PRELID3A: variants seen among roughly 807,000 people sequenced by gnomAD.
PRELID3A encodes PRELI domain containing 3A.
A neutral mutation model predicts 23.0 loss-of-function variants in PRELID3A; 27 were observed. That is an observed-to-expected ratio of 1.17 (90% CI 0.87 to 1.62). The LOEUF (loss-of-function observed/expected upper bound fraction) is 1.62. PRELID3A is among the 40% of genes most tolerant of loss of function. The pLI, the probability that PRELID3A is intolerant of heterozygous loss-of-function variation, is 0.00. For synonymous variants in PRELID3A, 87 were observed against 86.4 expected, an observed-to-expected ratio of 1.01 and a Z score of -0.04; for missense variants, 231 against 231.4, an observed-to-expected ratio of 1.00 and a Z score of 0.01.
chr18:12,427,413 C>G (rs1359400694), intron 5 of PRELID3A, 90 bp downstream of exon 5: 1 of 1,048,942 alleles, frequency 9.5e-7, no homozygotes, highest in Admixed American at 1.9e-5. Flanking sequence ...ATCAGTCTTC[C>G]TGGCTGGGCA....
At chr18:12,409,648 T>C (rs1909849279) in intron 1 of PRELID3A, among the ~76,000 whole-genome samples, 2 of 152,140 alleles carry the variant, frequency 1.3e-5, no homozygotes, top group Admixed American at 6.6e-5. Flanking sequence ...CTGGATGCTG[T>C]GGACAGTTAA....
At chr18:12,408,177 C>T (rs527303006) in intron 1 of PRELID3A, among the ~76,000 whole-genome samples, 170 bp downstream of exon 1, 89 of 152,078 alleles carry the variant, frequency 5.9e-4, no homozygotes, top group Admixed American at 1.5e-3. Context: ...AGAGGGCACG[C>T]GCGCTTCCCC....
intron 1 of PRELID3A, among the ~76,000 whole-genome samples, chr18:12,419,283 G>C (rs1044794564): frequency 6.9e-6 from 1 of 145,956 alleles, no homozygotes; most frequent in Non-Finnish European, 1.5e-5. Flanking sequence ...CCGAGACAGA[G>C]CCATTGCACT....
At chr18:12,417,932 G>A (rs2030016955) in intron 1 of PRELID3A, among the ~76,000 whole-genome samples, 1 of 152,194 alleles carries the variant, frequency 6.6e-6, no homozygotes, top group Non-Finnish European at 1.5e-5. Context: ...GTGTTCTATT[G>A]TTAAGAGAGG....
intron 1 of PRELID3A, among the ~76,000 whole-genome samples, chr18:12,411,555 A>C (rs1390828411): frequency 6.6e-6 from 1 of 152,166 alleles, no homozygotes; most frequent in Non-Finnish European, 1.5e-5. Flanking sequence ...ATCATCAATA[A>C]CAAAGCCCAT....
At chr18:12,418,349 T>A (rs1424958472) in intron 1 of PRELID3A, among the ~76,000 whole-genome samples, 1 of 152,234 alleles carries the variant, frequency 6.6e-6, no homozygotes, top group East Asian at 1.9e-4. Context: ...TGTACAGCTG[T>A]TTATAATCAT....
At chr18:12,426,912 C>T in intron 3 of PRELID3A, 129 bp from the exon 4 acceptor site, 2 of 661,656 alleles carry the variant, frequency 3.0e-6, no homozygotes, top group Admixed American at 4.6e-5. Flanking sequence ...GTGGTCGTAT[C>T]TCCTATGCCT....
At chr18:12,426,371 G>T (rs561549023) in intron 3 of PRELID3A, among the ~76,000 whole-genome samples, 37 of 150,580 alleles carry the variant, frequency 2.5e-4, no homozygotes, top group African/African-American at 8.8e-4. Flanking sequence ...TGGCTAACAC[G>T]GTGAAACTCC....
intron 6 of PRELID3A, 85 bp from the exon 7 acceptor site, chr18:12,431,065 G>A (rs1351953474): frequency 7.2e-6 from 1 of 138,174 alleles, no homozygotes; most frequent in Non-Finnish European, 1.6e-5. Context: ...TGTGCGGTGT[G>A]TGTCATGAGT....
At chr18:12,428,276 T>C (rs2030442487) in intron 5 of PRELID3A, among the ~76,000 whole-genome samples, 1 of 152,166 alleles carries the variant, frequency 6.6e-6, no homozygotes, top group Non-Finnish European at 1.5e-5. Flanking sequence ...TCCAGCAGAG[T>C]TGATGGAAAG....
Position 12,421,656 on chromosome 18 carries a change from G to A in PRELID3A, c.291+27G>A, listed in dbSNP as rs371518067. ...TAAGCAATGGCCTCAGATGAGAAAC[G>A]GGCTCAGTGTGTCTGGGTGGTGGTG... On this transcript the variant is annotated intron_variant, in intron 3 of 6. Coordinates refer to ENST00000440960, the MANE Select transcript of PRELID3A (RefSeq NM_001142405.2). 1,076 of 1,493,854 alleles carry A rather than the reference G, an allele frequency of 7.2e-4. 5 individuals carry two copies. The Middle Eastern group carries it at 8.4e-3, about 12-fold the overall frequency. The allele number at this position is 1,493,854 out of a possible 1,614,324, so 92.5% of individuals were successfully genotyped here.
intron 2 of PRELID3A, among the ~76,000 whole-genome samples, chr18:12,420,722 G>A (rs2030146637): frequency 8.7e-6 from 1 of 114,616 alleles, no homozygotes; most frequent in Non-Finnish European, 1.9e-5. Context: ...TGGTGGGAGG[G>A]TTTTCCTCGA....
chr18:12,420,007 C>T (rs1662422354), intron 1 of PRELID3A: 2 of 588,706 alleles, frequency 3.4e-6, no homozygotes, highest in Non-Finnish European at 5.1e-6. Flanking sequence ...GAGGCTGAGG[C>T]AGGATGTTCA....
chr18:12,422,803 C>A (rs893246507), intron 3 of PRELID3A, among the ~76,000 whole-genome samples: 1 of 152,150 alleles, frequency 6.6e-6, no homozygotes, highest in Non-Finnish European at 1.5e-5. Context: ...AAAAATAATC[C>A]TTATTTTCAG....
At chr18:12,416,935 G>A (rs2029979341) in intron 1 of PRELID3A, among the ~76,000 whole-genome samples, 2 of 152,132 alleles carry the variant, frequency 1.3e-5, no homozygotes, top group South Asian at 2.1e-4. Flanking sequence ...ACAAACTACA[G>A]TACCCAGCCA....
intron 1 of PRELID3A, among the ~76,000 whole-genome samples, chr18:12,412,071 T>TGA (rs1029254831): frequency 2.0e-5 from 3 of 150,588 alleles, no homozygotes; most frequent in Non-Finnish European, 4.4e-5. Context: ...CCACCACGCC[T>TGA]GACTACTTTT....
At chr18:12,428,108 C>T (rs944456513) in intron 5 of PRELID3A, among the ~76,000 whole-genome samples, 1 of 152,194 alleles carries the variant, frequency 6.6e-6, no homozygotes, top group Non-Finnish European at 1.5e-5. Context: ...AGCCTGCTGC[C>T]GTCTTCACAG....
At chr18:12,421,414 C>T in intron 2 of PRELID3A, 126 bp from the exon 3 acceptor site, 2 of 684,268 alleles carry the variant, frequency 2.9e-6, no homozygotes, top group East Asian at 2.7e-5. Context: ...TTGTCTCTGT[C>T]CCTTGCTGCA....
intron 1 of PRELID3A, among the ~76,000 whole-genome samples, chr18:12,410,437 TTGGCCTG>T (rs746850702): frequency 2.0e-5 from 3 of 152,204 alleles, no homozygotes; most frequent in Non-Finnish European, 4.4e-5. Context: ...GATGCTGTCA[TTGGCCTG>T]TGGCTGGACG....
Sources: allele counts gnomAD v4.1 joint callset (sites outside exome capture counted in the v4.1 genomes callset), GRCh38; gene constraint gnomAD v4.1.1; transcripts MANE v1.5; gene names NCBI Gene and HGNC (gene_info 2026-07-23, HGNC 2026-07-21).